PXDNL: variants seen among roughly 807,000 people sequenced by gnomAD.
PXDNL encodes the protein probable oxidoreductase PXDNL.
Under a neutral mutation model 150.8 loss-of-function variants are expected in PXDNL, and 145 were observed. The observed-to-expected ratio is 0.96, with a 90% CI of 0.84 to 1.10. The LOEUF (loss-of-function observed/expected upper bound fraction) is 1.10, where lower values mean the gene tolerates loss of function less well. Among genes scored for constraint, PXDNL ranks in the 50% least tolerant of loss-of-function variants. PXDNL has a pLI of 0.00. For missense variants in PXDNL, 2,087 were observed against 1,873.9 expected (o/e 1.11, Z -2.10); for synonymous variants, 757 against 725.7 (o/e 1.04, Z -0.69).
At chr8:51,350,139 GAA>G (rs929033263) in intron 19 of PXDNL, among the ~76,000 whole-genome samples, 1 of 151,872 alleles carries the variant, frequency 6.6e-6, no homozygotes, top group African/African-American at 2.4e-5. Context: ...AAAAAGAAGA[GAA>G]AGAAAAAAAG....
intron 1 of PXDNL, among the ~76,000 whole-genome samples, chr8:51,699,718 C>T (rs1216588654): frequency 6.6e-6 from 1 of 152,126 alleles, no homozygotes; most frequent in Non-Finnish European, 1.5e-5. Context: ...GCAACTCTTC[C>T]TTTCACTTGA....
At chr8:51,600,518 TAAATTA>T (rs1813684250) in intron 2 of PXDNL, among the ~76,000 whole-genome samples, 1 of 136,260 alleles carries the variant, frequency 7.3e-6, no homozygotes, top group African/African-American at 2.7e-5. Flanking sequence ...ATATCTTATA[TAAATTA>T]TATCATTTAG....
intron 19 of PXDNL, among the ~76,000 whole-genome samples, chr8:51,352,379 C>A (rs1806379144): frequency 1.3e-5 from 2 of 152,108 alleles, no homozygotes; most frequent in African/African-American, 4.8e-5. Flanking sequence ...GGTATATATA[C>A]ACCATGGATA....
intron 1 of PXDNL, among the ~76,000 whole-genome samples, chr8:51,729,967 T>C (rs1816885893): frequency 6.6e-6 from 1 of 152,078 alleles, no homozygotes; most frequent in African/African-American, 2.4e-5. Context: ...TTGCCAATGG[T>C]TAGAAGAGAA....
intron 1 of PXDNL, among the ~76,000 whole-genome samples, chr8:51,761,374 G>A (rs1399938333): frequency 1.3e-5 from 2 of 152,114 alleles, no homozygotes; most frequent in Non-Finnish European, 2.9e-5. Flanking sequence ...AACGGGATGA[G>A]AAATAATTTC....
rs1241721286 is a variant in PXDNL, at chr8:51,450,238, A to G, written c.1250-1120T>C. On this transcript the variant is annotated intron_variant, in intron 10 of 22. Coordinates refer to ENST00000356297, the MANE Select transcript of PXDNL (RefSeq NM_144651.5). ...GTGAGAACAACCAGGGGTCACTGTC[A>G]TCGCCATCTTGCTTTTGGCAGGTTT... Among the ~76,000 whole-genome samples, 3 of 152,328 alleles carry G rather than the reference A, an allele frequency of 2.0e-5. No homozygotes were observed. In the East Asian group the frequency reaches 5.8e-4, roughly 29 times the overall value.
intron 19 of PXDNL, among the ~76,000 whole-genome samples, chr8:51,371,129 G>A (rs528160005): frequency 2.6e-5 from 4 of 152,310 alleles, no homozygotes; most frequent in Non-Finnish European, 5.9e-5. Flanking sequence ...CTGTGAAGAC[G>A]TCAGCATGTT....
chr8:51,724,598 G>A lies in PXDNL; in HGVS notation c.165-69838C>T, dbSNP rs142522978. On this transcript the variant is annotated intron_variant, in intron 1 of 22. Coordinates refer to ENST00000356297, the MANE Select transcript of PXDNL (RefSeq NM_144651.5). ...CTGCCCTTCGAGAGTAGGCCACTGC[G>A]TGCCACCATACATAGTTCTCCTTAG... 7.8e-4 allele frequency among the ~76,000 whole-genome samples: 119 copies of A among 152,260 alleles called. 1 individual carries two copies. Among genetic ancestry groups the A allele is most frequent in the African/African-American group, 2.6e-3 (107 of 41,536 alleles).
chr8:51,683,164 CAT>C (rs71237228), intron 1 of PXDNL, among the ~76,000 whole-genome samples: 5,922 of 44,270 alleles, frequency 0.13, 320 homozygotes, highest in Middle Eastern at 0.27. Flanking sequence ...AATTGTCTTT[CAT>C]ATATATATAT....
chr8:51,364,743 TAA>T (rs1209384914), intron 19 of PXDNL, among the ~76,000 whole-genome samples: 1 of 152,292 alleles, frequency 6.6e-6, no homozygotes, highest in African/African-American at 2.4e-5. Context: ...CATCATAGGT[TAA>T]AGAGAACATT....
At chr8:51,589,988 AC>A (rs1359596953) in intron 3 of PXDNL, among the ~76,000 whole-genome samples, 5 of 152,088 alleles carry the variant, frequency 3.3e-5, no homozygotes, top group African/African-American at 1.2e-4. Context: ...CTTCAAGGCT[AC>A]CCCTTCCCAT....
intron 19 of PXDNL, among the ~76,000 whole-genome samples, chr8:51,368,671 C>A (rs115029984): frequency 0.012 from 1,809 of 152,216 alleles, 29 homozygotes; most frequent in African/African-American, 0.04. Flanking sequence ...AAACGGAGGT[C>A]TCTATTTTAC....
chr8:51,475,168 TG>T, intron 6 of PXDNL, 27 bp from the exon 7 acceptor site: 1 of 1,587,798 alleles, frequency 6.3e-7, no homozygotes. Flanking sequence ...GAAGTACAAC[TG>T]TTAAAAGGGA....
intron 3 of PXDNL, among the ~76,000 whole-genome samples, chr8:51,578,144 GAGAGAAAGAA>G (rs11277652): frequency 0.26 from 38,410 of 145,486 alleles, 6,877 homozygotes; most frequent in African/African-American, 0.5. Context: ...GAGTGAGAGA[GAGAGAAAGAA>G]AGAGAAAGAA....
chr8:51,404,282 C>T (rs1808370164), intron 17 of PXDNL, among the ~76,000 whole-genome samples: 1 of 152,240 alleles, frequency 6.6e-6, no homozygotes, highest in Admixed American at 6.5e-5. Context: ...TGCTTTTATT[C>T]CCTTATCTGG....
In PXDNL at chr8:51,761,003, C is replaced by T. The variant is rs1425532551; in HGVS notation, c.164+48178G>A. Among the ~76,000 whole-genome samples the T allele has an allele frequency of 1.4e-5, 2 of 147,180 alleles. 1 individual carries two copies. Among genetic ancestry groups the T allele is most frequent in the South Asian group, 4.3e-4 (2 of 4,642 alleles). ...CCTCCGGAGTAGCTGGTTCGACAGG[C>T]GCCCGCCACAACGCCCGGCTAATTT... is the stretch of plus-strand genomic sequence containing the variant. On this transcript the variant is annotated intron_variant, in intron 1 of 22. Transcript: ENST00000356297.
chr8:51,608,421 GAAGA>G (rs776137717), intron 2 of PXDNL, among the ~76,000 whole-genome samples: 1 of 146,824 alleles, frequency 6.8e-6, no homozygotes, highest in Non-Finnish European at 1.5e-5. Context: ...AGGAAGGAAG[GAAGA>G]AAGAAAGGGG....
intron 8 of PXDNL, among the ~76,000 whole-genome samples, chr8:51,459,789 C>T (rs75089993): frequency 0.039 from 5,896 of 152,120 alleles, 268 homozygotes; most frequent in East Asian, 0.25. Flanking sequence ...TCTATTTTTC[C>T]TTGAAAATGT....
At chr8:51,715,722 T>C (rs1816603451) in intron 1 of PXDNL, among the ~76,000 whole-genome samples, 1 of 152,130 alleles carries the variant, frequency 6.6e-6, no homozygotes, top group Non-Finnish European at 1.5e-5. Context: ...CGGGGTTTCT[T>C]GTCAAGTTAA....
Sources: allele counts gnomAD v4.1 joint callset (sites outside exome capture counted in the v4.1 genomes callset), GRCh38; gene constraint gnomAD v4.1.1; transcripts MANE v1.5; gene names NCBI Gene and HGNC (gene_info 2026-07-23, HGNC 2026-07-21).